COP1: variants seen among roughly 807,000 people sequenced by gnomAD.
COP1 encodes COP1 E3 ubiquitin ligase, also known as E3 ubiquitin-protein ligase COP1.
In COP1, 24 loss-of-function variants were observed where a neutral mutation model predicts 101.3. That is an observed-to-expected ratio of 0.24 (90% CI 0.17 to 0.33). The LOEUF is 0.33. COP1 is among the 10% of genes least tolerant of loss of function. The probability of loss-of-function intolerance (pLI) is 1.00; values close to 1 mark genes in which losing one functional copy is unlikely to be tolerated. For missense variants in COP1, 663 were observed against 906.2 expected, an observed-to-expected ratio of 0.73 and a Z score of 3.45; for synonymous variants, 347 against 341.9, an observed-to-expected ratio of 1.01 and a Z score of -0.17.
chr1:176,054,849 A>G (rs1399032554), intron 11 of COP1, among the ~76,000 whole-genome samples: 2 of 152,130 alleles, frequency 1.3e-5, no homozygotes, highest in African/African-American at 2.4e-5. Flanking sequence ...TGCTTTCCTA[A>G]TACCATAACT....
In COP1 at chr1:176,149,093, A is replaced by T; in HGVS notation, c.763-19T>A. 6.7e-7 allele frequency: 1 copy of T among 1,496,376 alleles called. No homozygotes were observed. The highest frequency in any genetic ancestry group is 9.2e-7 in the Non-Finnish European group (1 of 1,092,562). 92.7% of individuals were successfully genotyped at this position (1,496,376 alleles called of 1,614,324 possible). ...GTGATTCCTACAATAGAAAATTATA[A>T]TTTTTCTTTTAAAAAATATAACTGA... On this transcript the variant is annotated intron_variant, in intron 5 of 19. Coordinates refer to ENST00000367669, the MANE Select transcript of COP1 (RefSeq NM_022457.7).
intron 1 of COP1, among the ~76,000 whole-genome samples, chr1:176,199,934 G>A (rs1700100569): frequency 6.6e-6 from 1 of 152,140 alleles, no homozygotes; most frequent in Admixed American, 6.5e-5. Flanking sequence ...ACTTAGTAAA[G>A]CTAATTTTAA....
chr1:176,157,925 A>G (rs1693714019), intron 5 of COP1, among the ~76,000 whole-genome samples: 1 of 152,218 alleles, frequency 6.6e-6, no homozygotes, highest in African/African-American at 2.4e-5. Context: ...AATGACCTAA[A>G]GAACAACTTC....
intron 9 of COP1, among the ~76,000 whole-genome samples, chr1:176,090,565 C>T (rs1313576936): frequency 1.3e-5 from 2 of 152,066 alleles, no homozygotes; most frequent in African/African-American, 2.4e-5. Flanking sequence ...ACAGCAGCAG[C>T]ACAGGGCAGG....
chr1:176,063,458 A>T (rs990604975), intron 11 of COP1, among the ~76,000 whole-genome samples: 11 of 152,240 alleles, frequency 7.2e-5, no homozygotes, highest in Admixed American at 2.6e-4. Flanking sequence ...AGGTGATTTT[A>T]AAAACTATCC....
chr1:176,137,878 GAGA>G (rs1690055342), intron 6 of COP1, among the ~76,000 whole-genome samples: 2 of 152,112 alleles, frequency 1.3e-5, no homozygotes, highest in Non-Finnish European at 2.9e-5. Context: ...CCTAAGTACT[GAGA>G]AGAACAGGAT....
intron 18 of COP1, among the ~76,000 whole-genome samples, chr1:175,959,897 A>G (rs1651123774): frequency 6.6e-6 from 1 of 152,150 alleles, no homozygotes; most frequent in Non-Finnish European, 1.5e-5. Flanking sequence ...CAAAATGTAC[A>G]GAGTCAAAAG....
intron 18 of COP1, among the ~76,000 whole-genome samples, chr1:175,958,013 A>T (rs1308192216): frequency 6.6e-6 from 1 of 152,112 alleles, no homozygotes; most frequent in Non-Finnish European, 1.5e-5. Flanking sequence ...AGTAGCTTGT[A>T]GTGGAGAAGG....
chr1:175,979,383 C>A (rs1655283107), intron 18 of COP1, among the ~76,000 whole-genome samples: 1 of 151,780 alleles, frequency 6.6e-6, no homozygotes, highest in South Asian at 2.1e-4. Flanking sequence ...CTCAAATGTG[C>A]TTTACTTTTC....
intron 9 of COP1, among the ~76,000 whole-genome samples, chr1:176,114,068 T>C (rs79433644): frequency 0.016 from 2,413 of 152,120 alleles, 33 homozygotes; most frequent in Non-Finnish European, 0.023. Context: ...TTGTCTGATG[T>C]TGATGTTCTG....
intron 11 of COP1, among the ~76,000 whole-genome samples, chr1:176,080,248 T>A (rs1319830331): frequency 1.3e-5 from 2 of 152,170 alleles, no homozygotes; most frequent in African/African-American, 4.8e-5. Flanking sequence ...AAGTATCACA[T>A]CAGTTTTTTT....
chr1:176,126,874 T>C (rs1005795497), intron 8 of COP1, among the ~76,000 whole-genome samples: 1 of 152,210 alleles, frequency 6.6e-6, no homozygotes, highest in African/African-American at 2.4e-5. Flanking sequence ...AAATGCCTAC[T>C]AATTAATCAT....
intron 8 of COP1, among the ~76,000 whole-genome samples, chr1:176,124,332 T>C (rs911674216): frequency 6.6e-6 from 1 of 152,146 alleles, no homozygotes. Flanking sequence ...AGTCACCCTG[T>C]TATGCTATCA....
intron 15 of COP1, among the ~76,000 whole-genome samples, chr1:176,007,136 C>G (rs528204254): frequency 6.6e-6 from 1 of 152,154 alleles, no homozygotes; most frequent in African/African-American, 2.4e-5. Flanking sequence ...TTGATCGCAT[C>G]GGCTCCTGAG....
intron 18 of COP1, chr1:175,982,247 C>A: frequency 2.6e-6 from 1 of 389,620 alleles, no homozygotes; most frequent in South Asian, 2.0e-5. Flanking sequence ...TTATTCATTG[C>A]ATTATTCACA....
chr1:175,991,433 G>A (rs1464503856), intron 15 of COP1, among the ~76,000 whole-genome samples: 1 of 152,178 alleles, frequency 6.6e-6, no homozygotes, highest in Non-Finnish European at 1.5e-5. Context: ...AATGGAGTTT[G>A]CAGGACTGAA....
intron 7 of COP1, among the ~76,000 whole-genome samples, chr1:176,135,490 T>C (rs1464916897): frequency 6.6e-6 from 1 of 152,078 alleles, no homozygotes; most frequent in African/African-American, 2.4e-5. Flanking sequence ...GTAAGATAAC[T>C]GGATCATCAG....
chr1:175,997,093 C>T (rs930525921), intron 15 of COP1, among the ~76,000 whole-genome samples: 6 of 151,932 alleles, frequency 3.9e-5, no homozygotes, highest in South Asian at 2.1e-4. Flanking sequence ...GAAATAATGC[C>T]GCGTACCTAC....
intron 9 of COP1, among the ~76,000 whole-genome samples, chr1:176,109,429 A>G (rs192758402): frequency 6.6e-6 from 1 of 152,296 alleles, no homozygotes; most frequent in Admixed American, 6.5e-5. Flanking sequence ...ATCACAGACT[A>G]TTAATTACTT....
Sources: allele counts gnomAD v4.1 joint callset (sites outside exome capture counted in the v4.1 genomes callset), GRCh38; gene constraint gnomAD v4.1.1; transcripts MANE v1.5; gene names NCBI Gene and HGNC (gene_info 2026-07-23, HGNC 2026-07-21).